Variants in SUMF1 observed in about 807,000 individuals in gnomAD.
SUMF1 encodes formylglycine-generating enzyme.
In SUMF1, 48 loss-of-function variants were observed where a neutral mutation model predicts 47.6. The observed-to-expected ratio is 1.01, with a 90% CI of 0.80 to 1.28. The LOEUF (loss-of-function observed/expected upper bound fraction) is 1.28, where lower values mean the gene tolerates loss of function less well. SUMF1 is among the 50% of genes most tolerant of loss of function. The pLI, the probability that SUMF1 is intolerant of heterozygous loss-of-function variation, is 0.00. For synonymous variants in SUMF1, 230 were observed against 192.1 expected (o/e 1.20, Z -1.63); for missense variants, 571 against 485.4 (o/e 1.18, Z -1.66).
chr3:4,284,467 G>A (rs1272745780), intron 8 of SUMF1, among the ~76,000 whole-genome samples: 1 of 145,824 alleles, frequency 6.9e-6, no homozygotes, highest in Non-Finnish European at 1.5e-5. Context: ...AGGAGGAGGA[G>A]GAGGAGAAGG....
At chr3:4,186,916 C>T (rs1695212091) in intron 8 of SUMF1, among the ~76,000 whole-genome samples, 1 of 152,054 alleles carries the variant, frequency 6.6e-6, no homozygotes, top group Admixed American at 6.6e-5. Flanking sequence ...TAGATATACC[C>T]CAAAACCAGA....
intron 8 of SUMF1, among the ~76,000 whole-genome samples, chr3:4,117,727 C>A (rs1449491125): frequency 6.6e-6 from 1 of 151,674 alleles, no homozygotes; most frequent in East Asian, 1.9e-4. Context: ...CATTAGAAAT[C>A]AAAAAATGTA....
intron 8 of SUMF1, among the ~76,000 whole-genome samples, chr3:4,169,617 A>C (rs1297655344): frequency 3.3e-5 from 5 of 152,170 alleles, no homozygotes; most frequent in Non-Finnish European, 5.9e-5. Context: ...TGTTTTAACC[A>C]GTTTGCGTAC....
chr3:4,443,610 A>G (rs2125108439), intron 3 of SUMF1, among the ~76,000 whole-genome samples: 1 of 152,204 alleles, frequency 6.6e-6, no homozygotes, highest in South Asian at 2.1e-4. Flanking sequence ...CTAAAAATCA[A>G]AACAATTAGC....
chr3:4,172,145 C>A (rs1441101889), intron 8 of SUMF1, among the ~76,000 whole-genome samples: 3 of 152,076 alleles, frequency 2.0e-5, no homozygotes, highest in African/African-American at 7.2e-5. Context: ...TAAATGAAAT[C>A]TTGATTTGAT....
intron 8 of SUMF1, among the ~76,000 whole-genome samples, chr3:4,245,290 T>C (rs972813191): frequency 6.6e-5 from 10 of 151,990 alleles, no homozygotes; most frequent in African/African-American, 1.9e-4. Flanking sequence ...TAGCGAGGAG[T>C]TGTATTCCTT....
chr3:4,074,752 A>G (rs985339610), intron 8 of SUMF1, among the ~76,000 whole-genome samples: 4 of 152,132 alleles, frequency 2.6e-5, no homozygotes, highest in Non-Finnish European at 4.4e-5. Context: ...AAATTGATAA[A>G]GTCCTGGATA....
chr3:4,399,317 C>A (rs1701134481), intron 7 of SUMF1, among the ~76,000 whole-genome samples: 1 of 152,042 alleles, frequency 6.6e-6, no homozygotes, highest in South Asian at 2.1e-4. Context: ...ACATTTCACC[C>A]TAAAAATCTA....
intron 8 of SUMF1, among the ~76,000 whole-genome samples, chr3:4,118,175 T>C (rs1198449049): frequency 2.6e-5 from 4 of 152,050 alleles, no homozygotes; most frequent in Admixed American, 6.6e-5. Context: ...GAGTTCTCTT[T>C]GTACTCTTGA....
chr3:4,167,998 C>A lies in SUMF1; in HGVS notation c.1015-99253G>T, dbSNP rs1694750142. Among the ~76,000 whole-genome samples, 3 of 152,104 alleles carry A rather than the reference C, an allele frequency of 2.0e-5. No homozygotes were observed. In the South Asian group the frequency reaches 6.2e-4, roughly 31 times the overall value. On this transcript the variant is annotated intron_variant and NMD_transcript_variant, in intron 8 of 12. Coordinates refer to the SUMF1 transcript ENST00000448413. ...GAGCCATAGTCTTATCCAGTTCTGT[C>A]CAGAGTCTTATACATGCATATTTAT...
In SUMF1 at chr3:4,079,548, G is replaced by A. The variant is rs2125043951; in HGVS notation, c.1015-10803C>T. On this transcript the variant is annotated intron_variant and NMD_transcript_variant, in intron 8 of 12. Coordinates refer to the SUMF1 transcript ENST00000448413. ...CCTAGGATCAAAGTCTTGCTTCACT[G>A]TTTGCTGATAGAAACTTGCTTAAGT... is the stretch of plus-strand genomic sequence containing the variant. Among the ~76,000 whole-genome samples the A allele has an allele frequency of 1.3e-5, 2 of 151,874 alleles. 1 individual carries two copies. Among genetic ancestry groups the A allele is most frequent in the Middle Eastern group, 6.8e-3 (2 of 294 alleles).
At chr3:4,191,929 A>T (rs1695323749) in intron 8 of SUMF1, among the ~76,000 whole-genome samples, 1 of 152,158 alleles carries the variant, frequency 6.6e-6, no homozygotes, top group Non-Finnish European at 1.5e-5. Context: ...GGAAAGAGAG[A>T]TTAATTCTGT....
chr3:4,296,179 GTAT>G (rs1559206752), intron 8 of SUMF1, among the ~76,000 whole-genome samples: 1 of 151,282 alleles, frequency 6.6e-6, no homozygotes, highest in Non-Finnish European at 1.5e-5. Context: ...CATTATTACT[GTAT>G]TATTATCCCT....
At chr3:4,091,462 A>G (rs1402761036) in intron 8 of SUMF1, among the ~76,000 whole-genome samples, 1 of 152,168 alleles carries the variant, frequency 6.6e-6, no homozygotes, top group Non-Finnish European at 1.5e-5. Flanking sequence ...ACCTTTAAAA[A>G]TGTATCACAG....
chr3:4,223,433 G>C (rs1056676951), intron 8 of SUMF1, among the ~76,000 whole-genome samples: 16 of 152,132 alleles, frequency 1.1e-4, no homozygotes, highest in Admixed American at 1.0e-3. Flanking sequence ...GGTAAAGCAT[G>C]ATGGTGCTCA....
rs144291383 is a variant in SUMF1 at position 4,453,049 on chromosome 3, T to C, written c.271A>G (p.Met91Val). The change falls in exon 2 of 9, where the codon ATG becomes GTG. Residue 91 changes from methionine (M) to valine (V), a missense_variant and splice_region_variant. Coordinates refer to ENST00000272902, the MANE Select transcript of SUMF1 (RefSeq NM_182760.4). ...AATACTCCAGCAGGGATGGGGACCA[T>C]CTACAATGAAAGGTGAAACACAGGA... ...PGERQLAHSK[M>V]VPIPAGVFTM... The C allele has an allele frequency of 1.2e-6, 2 of 1,612,196 alleles. No individual in the cohort carries two copies. The highest frequency in any genetic ancestry group is 2.2e-5 in the East Asian group (1 of 44,876).
chr3:4,119,731 C>A (rs1277558741), intron 8 of SUMF1, among the ~76,000 whole-genome samples: 3 of 152,054 alleles, frequency 2.0e-5, no homozygotes, highest in Non-Finnish European at 4.4e-5. Context: ...CACACACACA[C>A]ACACAAACCA....
chr3:4,108,930 G>A lies in SUMF1; in HGVS notation c.1015-40185C>T, dbSNP rs540690933. On this transcript the variant is annotated intron_variant and NMD_transcript_variant, in intron 8 of 12. Transcript: ENST00000448413. ...GAGCATTTAGCCCATTTACATTTAA[G>A]GTTAATATTGTTATGTGTGAATTTG... Among the ~76,000 whole-genome samples the A allele has an allele frequency of 8.0e-3, 1,213 of 151,310 alleles. 18 individuals carry two copies. The highest frequency in any genetic ancestry group is 0.028 in the African/African-American group (1,141 of 41,030).
rs367561875 is a variant in SUMF1, at chr3:4,451,290, G to A, written c.444+1586C>T. ...AAGATCTCTGCAACAACAAAAATAT[G>A]ATTAAAAATGTCTGTGATTTCTACT... is the stretch of plus-strand genomic sequence containing the variant. On this transcript the variant is annotated intron_variant, in intron 2 of 8. Coordinates refer to ENST00000272902, the MANE Select transcript of SUMF1 (RefSeq NM_182760.4). Among the ~76,000 whole-genome samples the A allele has an allele frequency of 7.8e-4, 119 of 152,140 alleles. 1 individual carries two copies. The highest frequency in any genetic ancestry group is 3.4e-3 in the Middle Eastern group (1 of 294).
Sources: allele counts gnomAD v4.1 joint callset (sites outside exome capture counted in the v4.1 genomes callset), GRCh38; gene constraint gnomAD v4.1.1; transcripts MANE v1.5; gene names NCBI Gene and HGNC (gene_info 2026-07-23, HGNC 2026-07-21).